The following ANKDD1B variants were observed in gnomAD, a reference collection of about 807,000 sequenced individuals.
The protein encoded by ANKDD1B is ankyrin repeat and death domain-containing protein 1B.
In ANKDD1B, 57 loss-of-function variants were observed where a neutral mutation model predicts 59.7. That is an observed-to-expected ratio of 0.95 (90% CI 0.77 to 1.19). The LOEUF is 1.19. Among genes scored for constraint, ANKDD1B ranks in the 50% most tolerant of loss-of-function variants. ANKDD1B has a pLI of 0.00. For missense variants in ANKDD1B, 602 were observed against 641.9 expected (o/e 0.94, Z 0.67); for synonymous variants, 216 against 239.5 (o/e 0.90, Z 0.91).
At chr5:75,648,377 G>C (rs1003418256) in intron 7 of ANKDD1B, among the ~76,000 whole-genome samples, 1 of 151,750 alleles carries the variant, frequency 6.6e-6, no homozygotes, top group Admixed American at 6.6e-5. Flanking sequence ...GTCCCCAGTC[G>C]GTATCCCCCT....
In ANKDD1B at chr5:75,642,377, C is replaced by T. The variant is rs375320534; in HGVS notation, c.798+6495C>T. ...GGGAGTGCCAGACAGTGGGCGCAGGCCAGTGTGTGCGCGCACCGTGCGCGA... is the reference window on the plus strand; with the variant it reads ...GGGAGTGCCAGACAGTGGGCGCAGGTCAGTGTGTGCGCGCACCGTGCGCGA... On this transcript the variant is annotated intron_variant, in intron 7 of 13. Transcript: ENST00000601380. 8.6e-4 allele frequency among the ~76,000 whole-genome samples: 129 copies of T among 149,492 alleles called. 1 individual carries two copies. Among genetic ancestry groups the T allele is most frequent in the South Asian group, 2.8e-3 (13 of 4,648 alleles).
rs181784554 is a variant in ANKDD1B at position 75,634,149 on chromosome 5, G to A, written c.601-749G>A. ...TAGCAACACAAAGCAGACTAAGACAGGTCTTTCACTTTTCTTGATGACATT... is the reference window on the plus strand; with the variant it reads ...TAGCAACACAAAGCAGACTAAGACAAGTCTTTCACTTTTCTTGATGACATT... On this transcript the variant is annotated intron_variant, in intron 5 of 13. Coordinates refer to ENST00000601380, the MANE Select transcript of ANKDD1B (RefSeq NM_001276713.2). 1.6e-3 allele frequency among the ~76,000 whole-genome samples: 239 copies of A among 152,246 alleles called. No individual in the cohort carries two copies. The Middle Eastern group carries it at 0.024, about 15-fold the overall frequency.
intron 7 of ANKDD1B, among the ~76,000 whole-genome samples, chr5:75,652,469 TCTCA>T (rs1266716534): frequency 6.6e-6 from 1 of 152,184 alleles, no homozygotes; most frequent in Non-Finnish European, 1.5e-5. Flanking sequence ...AGAAACTGGG[TCTCA>T]CTCTGTTGCC....
intron 11 of ANKDD1B, among the ~76,000 whole-genome samples, chr5:75,665,705 G>A (rs576443384): frequency 6.6e-6 from 1 of 152,288 alleles, no homozygotes; most frequent in Non-Finnish European, 1.5e-5. Flanking sequence ...AGCTTCCCGG[G>A]AGGAGCTTAT....
At chr5:75,652,995 T>C in intron 7 of ANKDD1B, 147 bp from the exon 8 acceptor site, 1 of 643,174 alleles carries the variant, frequency 1.6e-6, no homozygotes, top group Non-Finnish European at 2.8e-6. Flanking sequence ...CCACTTCAAG[T>C]CTGTCATTGA....
intron 7 of ANKDD1B, among the ~76,000 whole-genome samples, chr5:75,650,705 TA>T (rs2111989431): frequency 6.6e-6 from 1 of 152,300 alleles, no homozygotes; most frequent in South Asian, 2.1e-4. Flanking sequence ...TGGTCAGAGA[TA>T]TACAGGTCAT....
In ANKDD1B at chr5:75,645,137, G is replaced by A. The variant is rs1224269808; in HGVS notation, c.799-8005G>A. The stretch of plus-strand genomic sequence containing the variant: ...AATTTATAGCACTAAATGCCTACAA[G>A]AGAAAGCAGGAAAGATCCAAAATTG... On this transcript the variant is annotated intron_variant, in intron 7 of 13. Transcript: ENST00000601380. Among the ~76,000 whole-genome samples the A allele has an allele frequency of 4.1e-4, 40 of 97,972 alleles. 3 individuals carry two copies. Among genetic ancestry groups the A allele is most frequent in the African/African-American group, 3.1e-3 (37 of 11,928 alleles). 64.3% of individuals were successfully genotyped at this position (97,972 alleles called of 152,430 possible).
intron 5 of ANKDD1B, among the ~76,000 whole-genome samples, chr5:75,627,787 A>T (rs1004503519): frequency 6.6e-6 from 1 of 152,182 alleles, no homozygotes; most frequent in African/African-American, 2.4e-5. Context: ...TGTGGGAAGG[A>T]TCAGGCAGGC....
chr5:75,663,435 T>C lies in ANKDD1B; in HGVS notation c.1137T>C (p.His379=), dbSNP rs188662605. ...TALAVASRSN[H]SLVVGMLIKA... ...TGGCTGTGGCCTCCAGGAGCAACCATAGCCTTGTCGTGGGCATGCTCATTA... is the reference window on the plus strand; with the variant it reads ...TGGCTGTGGCCTCCAGGAGCAACCACAGCCTTGTCGTGGGCATGCTCATTA... The change falls in exon 11 of 14, where the codon CAT becomes CAC. Residue 379 remains histidine (H), a synonymous_variant. Transcript: ENST00000601380. The C allele has an allele frequency of 3.0e-4, 463 of 1,536,374 alleles. 3 individuals are homozygous for C. The African/African-American group carries it at 5.9e-3, about 20-fold the overall frequency.
chr5:75,660,085 T>A (rs1775088621), intron 10 of ANKDD1B, among the ~76,000 whole-genome samples: 2 of 152,242 alleles, frequency 1.3e-5, no homozygotes, highest in South Asian at 4.1e-4. Flanking sequence ...ACTTGTTTTT[T>A]TAAATTAAAA....
intron 5 of ANKDD1B, among the ~76,000 whole-genome samples, chr5:75,632,673 A>T (rs747522407): frequency 1.6e-4 from 25 of 152,172 alleles, no homozygotes; most frequent in Non-Finnish European, 8.8e-5. Context: ...GTTCCAGTGC[A>T]TTACCAACCT....
At chr5:75,621,311 A>G (rs1306375341) in intron 3 of ANKDD1B, among the ~76,000 whole-genome samples, 3 of 152,178 alleles carry the variant, frequency 2.0e-5, no homozygotes. Context: ...GCACAGTTCC[A>G]TGATTTGCAC....
intron 13 of ANKDD1B, among the ~76,000 whole-genome samples, chr5:75,670,685 A>C (rs1421799304): frequency 6.6e-6 from 1 of 152,230 alleles, no homozygotes; most frequent in Non-Finnish European, 1.5e-5. Context: ...AAGAGGTTCC[A>C]TAAGAACTCT....
chr5:75,626,784 T>G (rs1225675854), intron 5 of ANKDD1B, among the ~76,000 whole-genome samples: 1 of 80,942 alleles, frequency 1.2e-5, no homozygotes, highest in African/African-American at 6.2e-5. Context: ...TAGGCCTTGT[T>G]TTTTTTTTTT....
rs1265225778 is a variant in ANKDD1B, at chr5:75,625,913, T to C, written c.558T>C (p.Leu186=). 11 of 1,536,160 alleles carry C rather than the reference T, an allele frequency of 7.2e-6. No individual in the cohort carries two copies. Among genetic ancestry groups the C allele is most frequent in the Non-Finnish European group, 9.6e-6 (11 of 1,146,880 alleles). ...ATCATGTGCGCATCGTGGAGTATCT[T>C]ATTCAAGATCTGCACCTCAAGGACC... The part of the protein sequence containing the change: ...QSNHVRIVEY[L]IQDLHLKDLN... Residue 186 remains leucine, a synonymous_variant, in exon 5 of 14, where the codon CTT becomes CTC. Coordinates refer to ENST00000601380, the MANE Select transcript of ANKDD1B (RefSeq NM_001276713.2).
chr5:75,654,082 C>A (rs1774897024), intron 8 of ANKDD1B, among the ~76,000 whole-genome samples: 1 of 152,254 alleles, frequency 6.6e-6, no homozygotes, highest in African/African-American at 2.4e-5. Flanking sequence ...GAAATTCTTC[C>A]TTTCATGCTG....
intron 9 of ANKDD1B, among the ~76,000 whole-genome samples, chr5:75,658,936 C>T (rs957715102): frequency 6.6e-6 from 1 of 152,176 alleles, no homozygotes; most frequent in Non-Finnish European, 1.5e-5. Flanking sequence ...TAAACGGTAA[C>T]TTCCCATTCC....
chr5:75,663,650 G>A (rs1055575696), intron 11 of ANKDD1B, among the ~76,000 whole-genome samples, 161 bp downstream of exon 11: 2 of 152,202 alleles, frequency 1.3e-5, no homozygotes, highest in African/African-American at 2.4e-5. Context: ...CCCATTCGTG[G>A]AATGAACAGC....
chr5:75,616,060 G>A (rs80096689), intron 1 of ANKDD1B, among the ~76,000 whole-genome samples: 48 of 152,106 alleles, frequency 3.2e-4, no homozygotes, highest in African/African-American at 1.1e-3. Flanking sequence ...CCTCTCTTAC[G>A]GTCCTTTCTG....
Sources: gnomAD v4.1 joint callset for allele counts (sites outside exome capture counted in the v4.1 genomes callset) on GRCh38, gnomAD v4.1.1 for gene constraint, MANE v1.5 for transcripts, NCBI Gene and HGNC (gene_info 2026-07-23, HGNC 2026-07-21) for gene names.